SIPA1L3: variants seen among roughly 807,000 people sequenced by gnomAD.
SIPA1L3 encodes the protein signal induced proliferation associated 1 like 3, also known as signal-induced proliferation-associated 1-like protein 3.
Under a neutral mutation model 150.1 loss-of-function variants are expected in SIPA1L3, and 59 were observed. That is an observed-to-expected ratio of 0.39 (90% CI 0.32 to 0.49). SIPA1L3 has a LOEUF of 0.49. Among genes scored for constraint, SIPA1L3 ranks in the 20% least tolerant of loss-of-function variants. SIPA1L3 has a pLI of 0.86. For missense variants in SIPA1L3, 2,211 were observed against 2,489.5 expected, an observed-to-expected ratio of 0.89 and a Z score of 2.38; for synonymous variants, 1,070 against 1,077.6, an observed-to-expected ratio of 0.99 and a Z score of 0.14.
intron 2 of SIPA1L3, among the ~76,000 whole-genome samples, chr19:38,067,515 C>A (rs1363210885): frequency 6.6e-6 from 1 of 152,056 alleles, no homozygotes; most frequent in Non-Finnish European, 1.5e-5. Flanking sequence ...GTAATCCCAG[C>A]ACTTTGGGAG....
At chr19:38,167,036 C>T (rs769251250) in intron 15 of SIPA1L3, among the ~76,000 whole-genome samples, 6 of 151,922 alleles carry the variant, frequency 3.9e-5, no homozygotes, top group East Asian at 1.9e-4. Flanking sequence ...AGCTCGAGAC[C>T]GTCCTGGCCA....
intron 6 of SIPA1L3, among the ~76,000 whole-genome samples, chr19:38,103,663 G>T (rs566409862): frequency 3.9e-4 from 59 of 150,672 alleles, no homozygotes; most frequent in African/African-American, 1.4e-3. Flanking sequence ...GGTGGTTCAC[G>T]CCTGTAATCT....
intron 1 of SIPA1L3, among the ~76,000 whole-genome samples, chr19:37,947,488 C>CAA (rs546299734): frequency 7.3e-5 from 9 of 124,062 alleles, no homozygotes; most frequent in East Asian, 4.6e-4. Context: ...GACTCCATAT[C>CAA]AAAAAAAAAA....
chr19:38,202,491 G>A (rs1973110591), intron 20 of SIPA1L3, among the ~76,000 whole-genome samples: 2 of 152,094 alleles, frequency 1.3e-5, no homozygotes, highest in Admixed American at 6.5e-5. Context: ...GAGAGGCTGT[G>A]GCAGGAGAAT....
At chr19:38,154,443 A>T (rs938449129) in intron 13 of SIPA1L3, among the ~76,000 whole-genome samples, 7 of 151,874 alleles carry the variant, frequency 4.6e-5, no homozygotes, top group Non-Finnish European at 1.0e-4. Context: ...ATTTTATTTT[A>T]TTTATTTATT....
chr19:38,119,982 G>T (rs750177289), intron 9 of SIPA1L3, 100 bp downstream of exon 9: 15 of 761,990 alleles, frequency 2.0e-5, no homozygotes, highest in Non-Finnish European at 2.7e-5. Context: ...GCTAAGACAC[G>T]CACTGGCCCG....
At position 37,951,694 on chromosome 19, in the gene SIPA1L3, A is replaced by G. The variant is rs353412; in HGVS notation, c.-379+44336A>G. Among the ~76,000 whole-genome samples the G allele has an allele frequency of 1.9e-3, 284 of 151,786 alleles. 1 individual carries two copies. The highest frequency in any genetic ancestry group is 3.3e-3 in the Non-Finnish European group (221 of 67,930). On this transcript the variant is annotated intron_variant, in intron 1 of 21. Transcript: ENST00000222345. ...TGGGCGGATCACGAGGTCAGGAAAT[A>G]GAGACTATCCTGGCCAACACAGTGA...
At chr19:37,960,145 A>G (rs773559292) in intron 1 of SIPA1L3, among the ~76,000 whole-genome samples, 2 of 152,194 alleles carry the variant, frequency 1.3e-5, no homozygotes, top group African/African-American at 4.8e-5. Flanking sequence ...TTGGAGTTAT[A>G]TGGCCTCTTT....
intron 1 of SIPA1L3, among the ~76,000 whole-genome samples, chr19:37,912,473 A>G (rs895730906): frequency 1.3e-5 from 2 of 152,080 alleles, no homozygotes; most frequent in Non-Finnish European, 2.9e-5. Context: ...AAGATTATCT[A>G]TGTCAAGCCT....
At chr19:38,202,166 C>T (rs1973101759) in intron 20 of SIPA1L3, among the ~76,000 whole-genome samples, 169 bp downstream of exon 20, 1 of 152,210 alleles carries the variant, frequency 6.6e-6, no homozygotes, top group African/African-American at 2.4e-5. Context: ...CATTACACTG[C>T]ACCTGTCTGT....
chr19:38,182,778 C>G (rs759445149), intron 16 of SIPA1L3, 38 bp downstream of exon 16: 12 of 1,523,832 alleles, frequency 7.9e-6, no homozygotes, highest in Middle Eastern at 2.2e-4. Flanking sequence ...CCCGCCAGAT[C>G]CACACCAGGG....
At chr19:38,201,278 A>C (rs1425151950) in intron 19 of SIPA1L3, among the ~76,000 whole-genome samples, 1 of 152,242 alleles carries the variant, frequency 6.6e-6, no homozygotes, top group Non-Finnish European at 1.5e-5. Context: ...CAAACAGCTC[A>C]GGTGCCCCCA....
rs559849779 is a variant in SIPA1L3, at chr19:38,175,118, C to T, written c.4209-7401C>T. On this transcript the variant is annotated intron_variant, in intron 15 of 21. Coordinates refer to ENST00000222345, the MANE Select transcript of SIPA1L3 (RefSeq NM_015073.3). Reference sequence around the variant, plus strand: ...TCATTTCGGGCAAGTTATTTCATCTCCCTGGGCCTCAGTTTCCCCCACCTG... The same window carrying T: ...TCATTTCGGGCAAGTTATTTCATCTTCCTGGGCCTCAGTTTCCCCCACCTG... 2.6e-5 allele frequency among the ~76,000 whole-genome samples: 4 copies of T among 152,124 alleles called. No individual in the cohort carries two copies. In the East Asian group the frequency reaches 7.7e-4, roughly 29 times the overall value.
intron 8 of SIPA1L3, among the ~76,000 whole-genome samples, chr19:38,111,977 ATGCACACAGGCACACACC>A (rs1274582894): frequency 7.9e-4 from 104 of 130,886 alleles, no homozygotes; most frequent in Middle Eastern, 7.6e-3. Context: ...ATGCACACAC[ATGCACACAGGCACACACC>A]TGCACACAGG....
At chr19:38,049,194 T>A (rs529609979) in intron 2 of SIPA1L3, among the ~76,000 whole-genome samples, 1 of 152,268 alleles carries the variant, frequency 6.6e-6, no homozygotes, top group South Asian at 2.1e-4. Flanking sequence ...TGGGAAGGTT[T>A]TTGTTTCTCT....
chr19:38,042,990 C>T (rs1410064118), intron 2 of SIPA1L3, among the ~76,000 whole-genome samples: 1 of 152,180 alleles, frequency 6.6e-6, no homozygotes, highest in Admixed American at 6.5e-5. Flanking sequence ...ATCTGTAAAA[C>T]AGAAGAGATA....
At chr19:38,024,484 C>T (rs1599920115) in intron 1 of SIPA1L3, among the ~76,000 whole-genome samples, 1 of 151,868 alleles carries the variant, frequency 6.6e-6, no homozygotes, top group East Asian at 1.9e-4. Flanking sequence ...CCTCGGAGGA[C>T]TGTACTCAGG....
At chr19:38,094,721 C>T (rs937574148) in intron 4 of SIPA1L3, among the ~76,000 whole-genome samples, 7 of 151,758 alleles carry the variant, frequency 4.6e-5, no homozygotes, top group Admixed American at 2.6e-4. Flanking sequence ...TTGCTTGAGC[C>T]CAGGAATTTG....
At chr19:38,088,569 G>T in intron 3 of SIPA1L3, 152 bp from the exon 4 acceptor site, 1 of 890,156 alleles carries the variant, frequency 1.1e-6, no homozygotes, top group Non-Finnish European at 1.7e-6. Flanking sequence ...TCTCCACTGG[G>T]GGTGTCTGTG....
Sources: allele counts gnomAD v4.1 joint callset (sites outside exome capture counted in the v4.1 genomes callset), GRCh38; gene constraint gnomAD v4.1.1; transcripts MANE v1.5; gene names NCBI Gene and HGNC (gene_info 2026-07-23, HGNC 2026-07-21).